The following DYNC2H1 variants were observed in gnomAD, a reference collection of about 807,000 sequenced individuals.
DYNC2H1 encodes the protein dynein cytoplasmic 2 heavy chain 1.
A neutral mutation model predicts 570.0 loss-of-function variants in DYNC2H1; 410 were observed. The observed-to-expected ratio is 0.72, with a 90% confidence interval of 0.66 to 0.78. DYNC2H1 has a LOEUF of 0.78. Among genes scored for constraint, DYNC2H1 ranks in the 30% least tolerant of loss-of-function variants. The probability of loss-of-function intolerance (pLI) is 0.00; values close to 1 mark genes in which losing one functional copy is unlikely to be tolerated. For missense variants in DYNC2H1, 4,865 were observed against 5,046.4 expected, an observed-to-expected ratio of 0.96 and a Z score of 1.09; for synonymous variants, 1,688 against 1,677.6, an observed-to-expected ratio of 1.01 and a Z score of -0.15.
chr11:103,313,522 C>A (rs1039766854), intron 79 of DYNC2H1, among the ~76,000 whole-genome samples: 10 of 152,116 alleles, frequency 6.6e-5, no homozygotes, highest in Admixed American at 1.3e-4. Context: ...CATGCTGCTC[C>A]CCTTTTAACC....
At chr11:103,310,154 T>G (rs1867508881) in intron 78 of DYNC2H1, among the ~76,000 whole-genome samples, 1 of 152,092 alleles carries the variant, frequency 6.6e-6, no homozygotes, top group Admixed American at 6.5e-5. Flanking sequence ...TAAAAAATTG[T>G]TTTTCCAAGT....
At chr11:103,210,748 G>A (rs757240704) in intron 53 of DYNC2H1, among the ~76,000 whole-genome samples, 4 of 151,946 alleles carry the variant, frequency 2.6e-5, no homozygotes, top group Admixed American at 6.6e-5. Flanking sequence ...AAGTGAAACA[G>A]GCATCTTATG....
In DYNC2H1 at chr11:103,122,799, A is replaced by G. The variant is rs188802932; in HGVS notation, c.1486-26A>G. 1.3e-4 allele frequency: 210 copies of G among 1,597,272 alleles called. 2 individuals are homozygous for G. The Admixed American group carries it at 3.4e-3, about 26-fold the overall frequency. On this transcript the variant is annotated intron_variant, in intron 10 of 88. Coordinates refer to ENST00000375735, the MANE Select transcript of DYNC2H1 (RefSeq NM_001377.3). ...AATTTTTTTGGAATTTAAATAATGC[A>G]CATGTCTGTAATTTGGCTTTTTAAG...
chr11:103,124,272 T>A (rs1361221373), intron 11 of DYNC2H1, among the ~76,000 whole-genome samples: 1 of 151,402 alleles, frequency 6.6e-6, no homozygotes, highest in African/African-American at 2.4e-5. Flanking sequence ...CATGGCGAAA[T>A]CCTGTCTCTA....
At chr11:103,406,692 A>G (rs1942877053) in intron 84 of DYNC2H1, 1 of 152,036 alleles carries the variant, frequency 6.6e-6, no homozygotes, top group African/African-American at 2.4e-5. Context: ...CATTCAACCT[A>G]TATGATTAAT....
At chr11:103,415,677 T>C (rs1943255275) in intron 84 of DYNC2H1, among the ~76,000 whole-genome samples, 1 of 152,076 alleles carries the variant, frequency 6.6e-6, no homozygotes, top group Non-Finnish European at 1.5e-5. Flanking sequence ...TGTGGAGAAA[T>C]AGGAACACTT....
chr11:103,375,030 C>T (rs970216225), intron 83 of DYNC2H1, among the ~76,000 whole-genome samples: 9 of 152,126 alleles, frequency 5.9e-5, no homozygotes, highest in Non-Finnish European at 1.3e-4. Flanking sequence ...TTTCTTGGGC[C>T]AGGTCTAAGG....
intron 83 of DYNC2H1, among the ~76,000 whole-genome samples, chr11:103,396,567 A>C (rs1942404589): frequency 1.3e-5 from 2 of 152,180 alleles, no homozygotes; most frequent in Non-Finnish European, 2.9e-5. Context: ...CTCAATTATC[A>C]ACAAACAAAA....
intron 79 of DYNC2H1, among the ~76,000 whole-genome samples, chr11:103,313,084 C>A (rs1422922782): frequency 6.6e-6 from 1 of 152,178 alleles, no homozygotes; most frequent in African/African-American, 2.4e-5. Context: ...CCAGAATTAT[C>A]TTTCTAATAT....
At chr11:103,470,392 GA>G (rs1437110551) in intron 88 of DYNC2H1, among the ~76,000 whole-genome samples, 10 of 152,054 alleles carry the variant, frequency 6.6e-5, no homozygotes, top group Non-Finnish European at 1.3e-4. Context: ...TAGAAGAGAT[GA>G]CTAAAAGGTA....
intron 73 of DYNC2H1, 140 bp downstream of exon 73, chr11:103,283,225 G>T (rs758464354): frequency 5.4e-6 from 3 of 557,866 alleles, no homozygotes; most frequent in Non-Finnish European, 9.2e-6. Context: ...AGTTACCAAA[G>T]AATTATTGTA....
chr11:103,270,019 G>A (rs1209092358), intron 70 of DYNC2H1, among the ~76,000 whole-genome samples: 2 of 151,628 alleles, frequency 1.3e-5, no homozygotes, highest in South Asian at 2.1e-4. Context: ...ATGGTGAAAC[G>A]CCATCTCTAC....
At chr11:103,457,197 A>G (rs959005589) in intron 87 of DYNC2H1, among the ~76,000 whole-genome samples, 2 of 152,256 alleles carry the variant, frequency 1.3e-5, no homozygotes, top group African/African-American at 4.8e-5. Context: ...AAGCACATAT[A>G]ATTATGTATA....
chr11:103,260,112 T>C (rs1565440362), intron 70 of DYNC2H1, 135 bp downstream of exon 70: 4 of 503,460 alleles, frequency 7.9e-6, no homozygotes, highest in Non-Finnish European at 1.3e-5. Context: ...TTCCAGAACA[T>C]TTAACTGGAA....
intron 43 of DYNC2H1, 100 bp downstream of exon 43, chr11:103,187,686 A>G: frequency 1.4e-6 from 2 of 1,404,264 alleles, no homozygotes. Flanking sequence ...GGCCAGTTTT[A>G]TCTAGCATTT....
At chr11:103,343,017 A>T (rs2135489998) in intron 82 of DYNC2H1, among the ~76,000 whole-genome samples, 1 of 152,236 alleles carries the variant, frequency 6.6e-6, no homozygotes, top group Non-Finnish European at 1.5e-5. Flanking sequence ...GTTAAAAGTG[A>T]CTAGCACGGC....
At chr11:103,162,479 AT>A (rs531485356) in intron 29 of DYNC2H1, among the ~76,000 whole-genome samples, 7 of 151,948 alleles carry the variant, frequency 4.6e-5, no homozygotes, top group Non-Finnish European at 7.4e-5. Flanking sequence ...GGAAAAATAC[AT>A]TTTTTTTCAC....
intron 63 of DYNC2H1, among the ~76,000 whole-genome samples, chr11:103,242,083 C>T (rs1864443622): frequency 6.6e-6 from 1 of 151,910 alleles, no homozygotes; most frequent in African/African-American, 2.4e-5. Flanking sequence ...TTCCAAGACC[C>T]TCAGTGGATG....
intron 84 of DYNC2H1, among the ~76,000 whole-genome samples, chr11:103,423,903 C>A (rs190307462): frequency 6.6e-6 from 1 of 151,814 alleles, no homozygotes; most frequent in Non-Finnish European, 1.5e-5. Context: ...AGCAATGAAT[C>A]CTAGTATATG....
Sources: allele counts gnomAD v4.1 joint callset (sites outside exome capture counted in the v4.1 genomes callset), GRCh38; gene constraint gnomAD v4.1.1; transcripts MANE v1.5; gene names NCBI Gene and HGNC (gene_info 2026-07-23, HGNC 2026-07-21).